PIAS2: variants seen among roughly 807,000 people sequenced by gnomAD.
PIAS2 encodes the protein protein inhibitor of activated STAT 2.
Under a neutral mutation model 69.7 loss-of-function variants are expected in PIAS2, and 19 were observed. The ratio of observed to expected loss-of-function variants is 0.27; its 90% CI spans 0.19 to 0.40. The LOEUF is 0.40. PIAS2 is among the 10% of genes least tolerant of loss of function. The probability of loss-of-function intolerance (pLI) is 1.00; values close to 1 mark genes in which losing one functional copy is unlikely to be tolerated. For synonymous variants in PIAS2, 261 were observed against 263.2 expected (o/e 0.99, Z 0.08); for missense variants, 624 against 757.0 (o/e 0.82, Z 2.06).
At chr18:46,878,771 G>A (rs1027254393) in intron 2 of PIAS2, among the ~76,000 whole-genome samples, 3 of 152,202 alleles carry the variant, frequency 2.0e-5, no homozygotes, top group Non-Finnish European at 4.4e-5. Flanking sequence ...AGGAGACTGC[G>A]GTAGCAGAAT....
At chr18:46,904,124 G>A (rs1426479727) in intron 1 of PIAS2, 1 of 152,184 alleles carries the variant, frequency 6.6e-6, no homozygotes, top group South Asian at 2.1e-4. Flanking sequence ...GATCCTTGTG[G>A]TGATAAAATG....
intron 2 of PIAS2, among the ~76,000 whole-genome samples, chr18:46,870,342 G>A (rs1037487760): frequency 5.3e-5 from 8 of 152,134 alleles, no homozygotes; most frequent in Non-Finnish European, 8.8e-5. Context: ...AAGACCGGGT[G>A]CAGTGGCTCA....
intron 5 of PIAS2, among the ~76,000 whole-genome samples, chr18:46,849,004 T>TAA (rs1045901181): frequency 3.3e-4 from 51 of 152,312 alleles, no homozygotes; most frequent in African/African-American, 1.1e-3. Context: ...GCCTGGAAGA[T>TAA]AATTCTGTCT....
chr18:46,840,628 T>C (rs749139493), intron 8 of PIAS2, among the ~76,000 whole-genome samples: 2 of 152,196 alleles, frequency 1.3e-5, no homozygotes, highest in Non-Finnish European at 2.9e-5. Flanking sequence ...AATTCTACTC[T>C]AGTGGTCTTA....
rs1003887906 is a variant in PIAS2, at chr18:46,806,658, A to C, written c.*5775T>G. The C allele has an allele frequency of 5.9e-5, 9 of 152,064 alleles. No homozygotes were observed. The highest frequency in any genetic ancestry group is 5.9e-4 in the Admixed American group (9 of 15,266). 9.4% of individuals were successfully genotyped at this position (152,064 alleles called of 1,614,324 possible). A position where few individuals can be genotyped will look rare whatever the true frequency, so the allele number is the denominator to read the frequency against. On this transcript the variant is annotated 3_prime_UTR_variant, in exon 14 of 14. Coordinates refer to ENST00000585916, the MANE Select transcript of PIAS2 (RefSeq NM_004671.5). ...GGCATGAGCCACCATGCCCAGCTTA[A>C]GAATTCTTGATTTTTGGAACCTTGA...
At chr18:46,903,687 C>A (rs1333534148) in intron 1 of PIAS2, 1 of 152,180 alleles carries the variant, frequency 6.6e-6, no homozygotes, top group African/African-American at 2.4e-5. Flanking sequence ...AATGACCACA[C>A]AACCCAGCAA....
chr18:46,876,864 AT>A (rs960271548), intron 2 of PIAS2, among the ~76,000 whole-genome samples: 5 of 150,914 alleles, frequency 3.3e-5, no homozygotes, highest in African/African-American at 1.2e-4. Flanking sequence ...GCCCAGCTAA[AT>A]TTTTTTTTGT....
chr18:46,866,829 A>C (rs1314890649), intron 2 of PIAS2, among the ~76,000 whole-genome samples: 1 of 152,128 alleles, frequency 6.6e-6, no homozygotes, highest in African/African-American at 2.4e-5. Flanking sequence ...AATCTCCCTA[A>C]AGACCAATCC....
rs540618983 is a variant in PIAS2, at chr18:46,864,256, G to GA, written c.500-9dup. The GA allele has an allele frequency of 0.048, 51,834 of 1,088,968 alleles. No individual in the cohort carries two copies. The highest frequency in any genetic ancestry group is 0.064 in the South Asian group (3,391 of 53,280). 67.5% of individuals were successfully genotyped at this position (1,088,968 alleles called of 1,614,324 possible). On this transcript the variant is annotated splice_polypyrimidine_tract_variant and intron_variant, in intron 2 of 13. Coordinates refer to ENST00000585916, the MANE Select transcript of PIAS2 (RefSeq NM_004671.5). The stretch of plus-strand genomic sequence containing the variant: ...GCTGAATACTGCTTTGAACTGGGAA[G>GA]AAAAAAAAAAAGAAAGATAATATTT...
intron 9 of PIAS2, among the ~76,000 whole-genome samples, chr18:46,834,074 G>C (rs2044072003): frequency 6.6e-6 from 1 of 151,280 alleles, no homozygotes; most frequent in Admixed American, 6.6e-5. Flanking sequence ...ACCATTTTTA[G>C]ACCTAGTATC....
At chr18:46,880,859 C>T (rs182365328) in intron 2 of PIAS2, among the ~76,000 whole-genome samples, 1 of 152,312 alleles carries the variant, frequency 6.6e-6, no homozygotes, top group Non-Finnish European at 1.5e-5. Context: ...TTTACAACTG[C>T]ATCTATATAG....
intron 12 of PIAS2, chr18:46,818,592 G>GTA: frequency 1.6e-6 from 1 of 640,980 alleles, no homozygotes; most frequent in Non-Finnish European, 2.2e-6. Context: ...ACTCTTCACA[G>GTA]TATGACTAAC....
chr18:46,883,746 G>A (rs2052678227), intron 2 of PIAS2, among the ~76,000 whole-genome samples: 1 of 152,178 alleles, frequency 6.6e-6, no homozygotes, highest in African/African-American at 2.4e-5. Flanking sequence ...GGAAGCCTAG[G>A]TAGGAGGATT....
chr18:46,916,065 C>T (rs1394461483), intron 1 of PIAS2, among the ~76,000 whole-genome samples: 1 of 152,186 alleles, frequency 6.6e-6, no homozygotes, highest in Non-Finnish European at 1.5e-5. Context: ...TCTGCATAAA[C>T]TAGTATGGGG....
At chr18:46,888,667 C>T (rs1392380238) in intron 2 of PIAS2, among the ~76,000 whole-genome samples, 1 of 152,172 alleles carries the variant, frequency 6.6e-6, no homozygotes, top group African/African-American at 2.4e-5. Flanking sequence ...CTCAGATCAT[C>T]AGGCATTAGA....
At chr18:46,820,887 A>G in intron 12 of PIAS2, 46 bp downstream of exon 12, 1 of 1,562,510 alleles carries the variant, frequency 6.4e-7, no homozygotes, top group Non-Finnish European at 8.7e-7. Context: ...ATTAAAAAAA[A>G]TAAACTTTCA....
intron 13 of PIAS2, among the ~76,000 whole-genome samples, chr18:46,814,275 C>T (rs1161964971): frequency 6.6e-6 from 1 of 152,136 alleles, no homozygotes; most frequent in Non-Finnish European, 1.5e-5. Context: ...CTACTACTGA[C>T]TCACCAAATA....
At position 46,812,471 on chromosome 18, in the gene PIAS2, T is replaced by C. The variant is rs1345130591; in HGVS notation, c.1828A>G (p.Ser610Gly). The C allele has an allele frequency of 3.1e-6, 5 of 1,612,948 alleles. No individual in the cohort carries two copies. The highest frequency in any genetic ancestry group is 3.4e-6 in the Non-Finnish European group (4 of 1,179,124). Residue 610 changes from serine to glycine, a missense_variant, in exon 14 of 14, where the codon AGT becomes GGT. Coordinates refer to ENST00000585916, the MANE Select transcript of PIAS2 (RefSeq NM_004671.5). The stretch of plus-strand genomic sequence containing the variant: ...ATGATGTCAGGAATGTTACTTCCAC[T>C]GCTGGTTATGACCCCTGTCTCACTC... ...SRSETGVITSSGSNIPDIISL... is the reference protein window; with the variant it reads ...SRSETGVITSGGSNIPDIISL...
upstream of PIAS2, among the ~76,000 whole-genome samples, chr18:46,919,005 A>ATGTGTG (rs778074259): frequency 4.2e-4 from 62 of 147,180 alleles, no homozygotes; most frequent in Non-Finnish European, 7.7e-4. Context: ...GTATATATAT[A>ATGTGTG]TATGTGTGTG....
Sources: gnomAD v4.1 joint callset for allele counts (sites outside exome capture counted in the v4.1 genomes callset) on GRCh38, gnomAD v4.1.1 for gene constraint, MANE v1.5 for transcripts, NCBI Gene and HGNC (gene_info 2026-07-23, HGNC 2026-07-21) for gene names.